ZNF423: variants seen among roughly 807,000 people sequenced by gnomAD.
ZNF423 encodes the protein Ebf-associated zinc finger protein.
Under a neutral mutation model 95.8 loss-of-function variants are expected in ZNF423, and 12 were observed. The ratio of observed to expected loss-of-function variants is 0.13; its 90% CI spans 0.08 to 0.20. The LOEUF is 0.20. ZNF423 is among the 10% of genes least tolerant of loss of function. The pLI is 1.00. For missense variants in ZNF423, 1,316 were observed against 1,737.1 expected (o/e 0.76, Z 4.31); for synonymous variants, 749 against 711.9 (o/e 1.05, Z -0.83).
At chr16:49,516,145 C>A (rs554227222) in intron 7 of ZNF423, among the ~76,000 whole-genome samples, 1 of 152,194 alleles carries the variant, frequency 6.6e-6, no homozygotes, top group African/African-American at 2.4e-5. Flanking sequence ...GAAGCCCCGG[C>A]CCTCTGGCCT....
At chr16:49,754,894 C>G (rs1454413191) in intron 2 of ZNF423, among the ~76,000 whole-genome samples, 1 of 152,230 alleles carries the variant, frequency 6.6e-6, no homozygotes, top group Admixed American at 6.5e-5. Context: ...GCACTTCCTG[C>G]AGACAATTGG....
intron 1 of ZNF423, among the ~76,000 whole-genome samples, chr16:49,795,594 C>T (rs1027154383): frequency 1.3e-4 from 20 of 152,342 alleles, no homozygotes; most frequent in South Asian, 8.3e-4. Flanking sequence ...CCTGGAAGGG[C>T]CCAAGGGCAC....
At chr16:49,673,164 G>A (rs975591848) in intron 3 of ZNF423, among the ~76,000 whole-genome samples, 4 of 152,206 alleles carry the variant, frequency 2.6e-5, no homozygotes, top group African/African-American at 7.2e-5. Context: ...CCCCAGGCCA[G>A]GAGAAACATG....
intron 5 of ZNF423, among the ~76,000 whole-genome samples, chr16:49,619,375 C>G (rs1249524447): frequency 2.6e-5 from 4 of 152,268 alleles, no homozygotes; most frequent in South Asian, 4.2e-4. Flanking sequence ...CAAACAAACA[C>G]ATACGCATAC....
intron 1 of ZNF423, among the ~76,000 whole-genome samples, chr16:49,844,477 C>T (rs2035222474): frequency 6.6e-6 from 1 of 152,192 alleles, no homozygotes; most frequent in Non-Finnish European, 1.5e-5. Context: ...GGGTGTCCTG[C>T]AGCTCCCACC....
intron 1 of ZNF423, among the ~76,000 whole-genome samples, chr16:49,838,872 G>A (rs1045461877): frequency 1.1e-4 from 16 of 151,742 alleles, no homozygotes; most frequent in African/African-American, 2.7e-4. Flanking sequence ...CCGCGCGGGG[G>A]GCGGCCCAGC....
In ZNF423 at chr16:49,636,401, A is replaced by G. The variant is rs1038592875; in HGVS notation, c.2775T>C (p.Asp925=). 6.2e-7 allele frequency: 1 copy of G among 1,613,254 alleles called. No individual in the cohort carries two copies. The highest frequency in any genetic ancestry group is 1.6e-4 in the Middle Eastern group (1 of 6,062). ...TAAACTCAGCCTTCTTGCGTGAGCC[A>G]TCATCCTCGCCCGGCCGGATATTGT... ...RDHNIRPGED[D]GSRKKAEFIK... Residue 925 remains aspartate, a synonymous_variant, in exon 4 of 8, where the codon GAT becomes GAC. Transcript: ENST00000563137. The surrounding 1 kb of genome is among the most constrained non-coding windows in gnomAD (Gnocchi z 8.6).
intron 2 of ZNF423, among the ~76,000 whole-genome samples, chr16:49,777,969 A>G (rs542095221): frequency 6.6e-6 from 1 of 152,350 alleles, no homozygotes; most frequent in South Asian, 2.1e-4. Flanking sequence ...CAGGTTTGCA[A>G]GGCATTTAGC....
intron 1 of ZNF423, among the ~76,000 whole-genome samples, chr16:49,801,393 T>C (rs1285749610): frequency 6.6e-6 from 1 of 152,118 alleles, no homozygotes; most frequent in African/African-American, 2.4e-5. Flanking sequence ...ATAAGAGAAA[T>C]AGCTCACCTG....
At chr16:49,762,022 G>A (rs2033841790) in intron 2 of ZNF423, among the ~76,000 whole-genome samples, 1 of 151,916 alleles carries the variant, frequency 6.6e-6, no homozygotes. Context: ...ATGTTGCCCA[G>A]GATGGTCTCA....
chr16:49,827,949 A>G (rs185609717), intron 1 of ZNF423, among the ~76,000 whole-genome samples: 118 of 152,344 alleles, frequency 7.7e-4, no homozygotes, highest in African/African-American at 2.6e-3. Flanking sequence ...AGCAGCCCCA[A>G]GAATCTCTTT....
intron 5 of ZNF423, among the ~76,000 whole-genome samples, chr16:49,539,286 G>A (rs1249388926): frequency 3.3e-5 from 5 of 152,204 alleles, no homozygotes; most frequent in Non-Finnish European, 7.3e-5. Context: ...CGGGAGCAAG[G>A]CTTGCTCTGT....
intron 3 of ZNF423, among the ~76,000 whole-genome samples, chr16:49,678,419 G>A (rs1210796826): frequency 6.6e-6 from 1 of 152,126 alleles, no homozygotes; most frequent in African/African-American, 2.4e-5. Context: ...GCATGGTTTT[G>A]GGTGATGGCA....
intron 2 of ZNF423, among the ~76,000 whole-genome samples, chr16:49,760,747 T>C (rs1290547543): frequency 4.6e-5 from 7 of 152,050 alleles, no homozygotes; most frequent in Non-Finnish European, 8.8e-5. Context: ...TGACTCTTGA[T>C]TGAAAAGCCA....
rs1251381760 is a variant in ZNF423 at position 49,789,432 on chromosome 16, C to G, written c.100+55G>C. On this transcript the variant is annotated intron_variant, in intron 2 of 7. Coordinates refer to ENST00000563137, the MANE Select transcript of ZNF423 (RefSeq NM_001379286.1). ...ACCAGCTGGGTGGCTTTCTGAGTTC[C>G]TGGGCCAGCCCCCAGGACCCCCTGC... is the stretch of plus-strand genomic sequence containing the variant. The G allele has an allele frequency of 2.0e-5, 31 of 1,565,198 alleles. 1 individual carries two copies. In the South Asian group the frequency reaches 3.5e-4, roughly 18 times the overall value.
At chr16:49,759,531 G>C (rs1335800836) in intron 2 of ZNF423, among the ~76,000 whole-genome samples, 1 of 152,226 alleles carries the variant, frequency 6.6e-6, no homozygotes, top group East Asian at 1.9e-4. Flanking sequence ...GACCCTAACA[G>C]ACAACCCTGG....
intron 1 of ZNF423, among the ~76,000 whole-genome samples, chr16:49,815,006 C>A (rs916904508): frequency 6.6e-6 from 1 of 152,136 alleles, no homozygotes; most frequent in South Asian, 2.1e-4. Context: ...TGCCACCTCC[C>A]AAGCCACGTC....
intron 2 of ZNF423, among the ~76,000 whole-genome samples, chr16:49,735,710 A>T (rs1185240372): frequency 6.6e-6 from 1 of 152,172 alleles, no homozygotes; most frequent in African/African-American, 2.4e-5. Context: ...AGCCCAAGCC[A>T]CATGGAGAGA....
In ZNF423 at chr16:49,491,227, GCGTC is replaced by G; in HGVS notation, c.*44_*47del. On this transcript the variant is annotated 3_prime_UTR_variant, in exon 8 of 8. Transcript: ENST00000563137. ...TAATGTTCAAATGGCCCTCCCCACG[GCGTC>G]TCCGGCAAGCCTTCTGCGGAGAGGT... 1.9e-6 allele frequency: 3 copies of G among 1,612,946 alleles called. No homozygotes were observed. Among genetic ancestry groups the G allele is most frequent in the Non-Finnish European group, 2.5e-6 (3 of 1,179,112 alleles).
Sources: gnomAD v4.1 joint callset for allele counts (sites outside exome capture counted in the v4.1 genomes callset) on GRCh38, gnomAD v4.1.1 for gene constraint, Gnocchi (gnomAD v3.1) non-coding constraint, MANE v1.5 for transcripts, NCBI Gene and HGNC (gene_info 2026-07-23, HGNC 2026-07-21) for gene names.